Variants in ENY2 observed in about 807,000 individuals in gnomAD.
ENY2 encodes transcription and mRNA export factor ENY2.
In ENY2, 4 loss-of-function variants were observed where a neutral mutation model predicts 15.9. The observed-to-expected ratio is 0.25, with a 90% CI of 0.12 to 0.57. The LOEUF is 0.57. Ranked by LOEUF, ENY2 falls within the 20% of genes least tolerant of loss-of-function variation. ENY2 has a pLI of 0.91. For synonymous variants in ENY2, 48 were observed against 38.0 expected (o/e 1.26, Z -0.97); for missense variants, 54 against 117.2 (o/e 0.46, Z 2.49).
At chr8:109,339,070 A>G (rs1006545960) in intron 2 of ENY2, 1 of 515,186 alleles carries the variant, frequency 1.9e-6, no homozygotes, top group African/African-American at 1.9e-5. Flanking sequence ...CTTCTTGAAA[A>G]GTATTTTAGC....
At chr8:109,340,123 A>G (rs986759421) in intron 3 of ENY2, among the ~76,000 whole-genome samples, 1 of 152,184 alleles carries the variant, frequency 6.6e-6, no homozygotes, top group African/African-American at 2.4e-5. Flanking sequence ...CTAGCCCATT[A>G]GATCATCGTG....
In ENY2 at chr8:109,340,056, CAG is replaced by C. The variant is rs1330001278; in HGVS notation, c.155-432_155-431del. Among the ~76,000 whole-genome samples the C allele has an allele frequency of 7.9e-5, 12 of 152,258 alleles. No homozygotes were observed. In the East Asian group the frequency reaches 2.3e-3, roughly 29 times the overall value. Reference sequence around the variant, plus strand: ...GAAAGAATAGAGCTGGATTTCAACTCAGGGCTGGATGACTTATTTAAGCCTCA... The same window carrying C: ...GAAAGAATAGAGCTGGATTTCAACTCGGCTGGATGACTTATTTAAGCCTCA... On this transcript the variant is annotated intron_variant, in intron 3 of 4. Coordinates refer to ENST00000521688, the MANE Select transcript of ENY2 (RefSeq NM_020189.6).
intron 4 of ENY2, among the ~76,000 whole-genome samples, chr8:109,341,580 G>C (rs902789866): frequency 3.9e-5 from 6 of 152,034 alleles, no homozygotes; most frequent in Non-Finnish European, 8.8e-5. Context: ...AGCTATACAA[G>C]TTAGAAACTA....
chr8:109,340,623 C>T, intron 4 of ENY2, 60 bp downstream of exon 4: 1 of 1,591,428 alleles, frequency 6.3e-7, no homozygotes, highest in Non-Finnish European at 8.6e-7. Context: ...TTTAAAATCT[C>T]TTGCTGGTTC....
In ENY2 at chr8:109,344,983, C is replaced by T. The variant is rs1816206594; in HGVS notation, c.*1502C>T. 1 of 152,170 alleles carries T rather than the reference C, an allele frequency of 6.6e-6. No individual in the cohort carries two copies. The highest frequency in any genetic ancestry group is 1.5e-5 in the Non-Finnish European group (1 of 68,034). 9.4% of individuals were successfully genotyped at this position (152,170 alleles called of 1,614,324 possible). On this transcript the variant is annotated 3_prime_UTR_variant, in exon 5 of 5. Coordinates refer to ENST00000521688, the MANE Select transcript of ENY2 (RefSeq NM_020189.6). Reference sequence around the variant, plus strand: ...ATTCAGCATTAACACATAGGCCCTTCTTGATCTGACATCGTGTTTCTCTAG... The same window carrying T: ...ATTCAGCATTAACACATAGGCCCTTTTTGATCTGACATCGTGTTTCTCTAG...
chr8:109,343,340 G>C, intron 4 of ENY2, 65 bp from the exon 5 acceptor site: 1 of 1,289,882 alleles, frequency 7.8e-7, no homozygotes, highest in South Asian at 1.4e-5. Context: ...CAAAATGTCA[G>C]ATCTTAAATT....
chr8:109,334,428 G>C lies in ENY2; in HGVS notation c.-41G>C, dbSNP rs768012537. On this transcript the variant is annotated 5_prime_UTR_variant, in exon 1 of 5. Transcript: ENST00000521688. ...GTAGGTAACGGTCCTCAGCGCAAGG[G>C]TCATTTCGTCGCTGGGAAGGGACGG... is the stretch of plus-strand genomic sequence containing the variant. 1.2e-5 allele frequency: 19 copies of C among 1,613,776 alleles called. No homozygotes were observed. The highest frequency in any genetic ancestry group is 8.5e-7 in the Non-Finnish European group (1 of 1,179,932).
chr8:109,339,661 A>G, intron 3 of ENY2: 2 of 357,252 alleles, frequency 5.6e-6, no homozygotes, highest in Non-Finnish European at 1.0e-5. Flanking sequence ...ATTGTTTCTT[A>G]TGTTTTAACT....
In ENY2 at chr8:109,345,380, A is replaced by C. The variant is rs1181749252; in HGVS notation, c.*1899A>C. On this transcript the variant is annotated 3_prime_UTR_variant, in exon 5 of 5. Coordinates refer to ENST00000521688, the MANE Select transcript of ENY2 (RefSeq NM_020189.6). ...GTATAAATTGGGTATAGTTGAGAAA[A>C]GGATTCAAATTGATCTTTGGTTCGA... 6.6e-6 allele frequency: 1 copy of C among 152,210 alleles called. No individual in the cohort carries two copies. The highest frequency in any genetic ancestry group is 1.5e-5 in the Non-Finnish European group (1 of 68,030). 9.4% of individuals were successfully genotyped at this position (152,210 alleles called of 1,614,324 possible). A position where few individuals can be genotyped will look rare whatever the true frequency, so the allele number is the denominator to read the frequency against.
chr8:109,341,276 G>A (rs1816107105), intron 4 of ENY2, among the ~76,000 whole-genome samples: 1 of 152,094 alleles, frequency 6.6e-6, no homozygotes. Context: ...CAGAAATTGT[G>A]AAAAGAATTT....
chr8:109,343,512 AT>A lies in ENY2; in HGVS notation c.*34del, dbSNP rs747622910. 3.8e-6 allele frequency: 6 copies of A among 1,572,964 alleles called. No individual in the cohort carries two copies. The highest frequency in any genetic ancestry group is 5.2e-6 in the Non-Finnish European group (6 of 1,160,762). Reference sequence around the variant, plus strand: ...AATTAGATTGTGTTGTTGTGGTTTTATTTCTGAAAGTAAAACTTGCCATAAA... The same window carrying A: ...AATTAGATTGTGTTGTTGTGGTTTTATTCTGAAAGTAAAACTTGCCATAAA... On this transcript the variant is annotated 3_prime_UTR_variant, in exon 5 of 5. Coordinates refer to ENST00000521688, the MANE Select transcript of ENY2 (RefSeq NM_020189.6).
In ENY2 at chr8:109,342,155, A is replaced by AC. The variant is rs1563693016; in HGVS notation, c.230-1250_230-1249insC. Among the ~76,000 whole-genome samples, 117 of 137,152 alleles carry AC rather than the reference A, an allele frequency of 8.5e-4. 1 individual carries two copies. In the East Asian group the frequency reaches 0.014, roughly 16 times the overall value. The allele number at this position is 137,152 out of a possible 152,430, so 90.0% of individuals were successfully genotyped here. A position where few individuals can be genotyped will look rare whatever the true frequency, so the allele number is the denominator to read the frequency against. On this transcript the variant is annotated intron_variant, in intron 4 of 4. Coordinates refer to ENST00000521688, the MANE Select transcript of ENY2 (RefSeq NM_020189.6). ...AGTAAATACGTTAGAAGTTTTAGTT[A>AC]ACCCCCCCCTTTTTTTTTTTTTGCA... is the stretch of plus-strand genomic sequence containing the variant.
chr8:109,341,550 G>A (rs1816113087), intron 4 of ENY2, among the ~76,000 whole-genome samples: 1 of 151,954 alleles, frequency 6.6e-6, no homozygotes, highest in Non-Finnish European at 1.5e-5. Flanking sequence ...CACTTATTCT[G>A]TTAACATTAT....
Position 109,345,787 on chromosome 8 carries a change from GAAC to G in ENY2, c.*2308_*2310del, listed in dbSNP as rs1227134886. ...TAAAATGGGATTTAAAAATAATTGA[GAAC>G]ATCACAGCAATTTAGAATACTAAAG... On this transcript the variant is annotated 3_prime_UTR_variant, in exon 5 of 5. Coordinates refer to ENST00000521688, the MANE Select transcript of ENY2 (RefSeq NM_020189.6). The G allele has an allele frequency of 2.6e-5, 4 of 152,098 alleles. No homozygotes were observed. Among genetic ancestry groups the G allele is most frequent in the African/African-American group, 9.7e-5 (4 of 41,428 alleles). 9.4% of individuals were successfully genotyped at this position (152,098 alleles called of 1,614,324 possible).
chr8:109,339,531 T>C (rs991134870), intron 3 of ENY2, 141 bp downstream of exon 3: 7 of 686,650 alleles, frequency 1.0e-5, no homozygotes, highest in Non-Finnish European at 1.6e-5. Context: ...TGGTTTCCTC[T>C]TGGTGGCATA....
chr8:109,334,464 C>G lies in ENY2; in HGVS notation c.-5C>G. On this transcript the variant is annotated 5_prime_UTR_variant, in exon 1 of 5. Transcript: ENST00000521688. ...GCTGGGAAGGGACGGCCCTCGCCCGCGGTGATGGTGGTGAGCTATGCCCGT... is the reference window on the plus strand; with the variant it reads ...GCTGGGAAGGGACGGCCCTCGCCCGGGGTGATGGTGGTGAGCTATGCCCGT... The G allele has an allele frequency of 6.2e-7, 1 of 1,613,758 alleles. No individual in the cohort carries two copies. The highest frequency in any genetic ancestry group is 8.5e-7 in the Non-Finnish European group (1 of 1,179,876).
Position 109,334,431 on chromosome 8 carries a change from A to T in ENY2, c.-38A>T. 1.2e-6 allele frequency: 2 copies of T among 1,613,872 alleles called. No homozygotes were observed. The highest frequency in any genetic ancestry group is 1.7e-6 in the Non-Finnish European group (2 of 1,179,928). On this transcript the variant is annotated 5_prime_UTR_variant, in exon 1 of 5. Transcript: ENST00000521688. ...GGTAACGGTCCTCAGCGCAAGGGTCATTTCGTCGCTGGGAAGGGACGGCCC... is the reference window on the plus strand; with the variant it reads ...GGTAACGGTCCTCAGCGCAAGGGTCTTTTCGTCGCTGGGAAGGGACGGCCC...
intron 1 of ENY2, chr8:109,334,693 T>C (rs1345434516): frequency 1.2e-5 from 7 of 570,324 alleles, no homozygotes; most frequent in Non-Finnish European, 1.5e-5. Context: ...CTATTTTCCC[T>C]AAGAATGTCT....
intron 4 of ENY2, among the ~76,000 whole-genome samples, chr8:109,342,049 A>G (rs1816124404): frequency 6.6e-6 from 1 of 152,182 alleles, no homozygotes. Context: ...GTAAAGAAGA[A>G]TATCTGGCTT....
Sources: allele counts gnomAD v4.1 joint callset (sites outside exome capture counted in the v4.1 genomes callset), GRCh38; gene constraint gnomAD v4.1.1; transcripts MANE v1.5; gene names NCBI Gene and HGNC (gene_info 2026-07-23, HGNC 2026-07-21).